CATSPERT: variants seen among roughly 807,000 people sequenced by gnomAD.
The protein encoded by CATSPERT is cation channel sperm-associated targeting subunit tau.
the CATSPERT span, among the ~76,000 whole-genome samples, chr2:201,571,692 C>T: frequency 2.0e-5 from 3 of 152,134 alleles, no homozygotes; most frequent in Non-Finnish European, 4.4e-5. Context: ...ATGAACTTGG[C>T]ACTCCTTCTC....
the CATSPERT span, among the ~76,000 whole-genome samples, chr2:201,546,571 A>G: frequency 2.0e-5 from 3 of 152,208 alleles, no homozygotes; most frequent in Non-Finnish European, 4.4e-5. Context: ...TGCAAATCAA[A>G]CCTACAATGA....
the CATSPERT span, among the ~76,000 whole-genome samples, chr2:201,617,461 G>A: frequency 6.6e-6 from 1 of 152,152 alleles, no homozygotes; most frequent in Admixed American, 6.5e-5. Context: ...ATGGGGAAAG[G>A]ATTCTCTATT....
chr2:201,582,059 G>A, the CATSPERT span: 771 of 1,586,344 alleles, frequency 4.9e-4, 3 homozygotes, highest in African/African-American at 8.0e-3. Context: ...AACTGGCAAC[G>A]TGATACCAAG....
At chr2:201,502,895 G>GTTTTTTTTTTTTTTTTTTTT in the CATSPERT span, among the ~76,000 whole-genome samples, 1 of 148,938 alleles carries the variant, frequency 6.7e-6, no homozygotes, top group Non-Finnish European at 1.5e-5. Flanking sequence ...GTGATACTGT[G>GTTTTTTTTTTTTTTTTTTTT]TTGTTTTTTT....
the CATSPERT span, among the ~76,000 whole-genome samples, chr2:201,558,430 G>A: frequency 6.6e-6 from 1 of 152,228 alleles, no homozygotes; most frequent in Non-Finnish European, 1.5e-5. Context: ...CATGCAGCAG[G>A]GGAATGGAGA....
chr2:201,495,491 A>G, the CATSPERT span, among the ~76,000 whole-genome samples: 61 of 152,286 alleles, frequency 4.0e-4, no homozygotes, highest in African/African-American at 1.3e-3. Flanking sequence ...CAAAATAAAA[A>G]TTCTTATTGA....
the CATSPERT span, among the ~76,000 whole-genome samples, chr2:201,544,070 C>T: frequency 6.6e-6 from 1 of 152,130 alleles, no homozygotes; most frequent in South Asian, 2.1e-4. Context: ...CAAGTGTTCT[C>T]ATTGTTCATT....
the CATSPERT span, among the ~76,000 whole-genome samples, chr2:201,517,357 AT>A: frequency 6.6e-6 from 1 of 152,098 alleles, no homozygotes; most frequent in Non-Finnish European, 1.5e-5. Flanking sequence ...GGATGAGAGC[AT>A]TTGCCACCGA....
the CATSPERT span, among the ~76,000 whole-genome samples, chr2:201,518,459 A>G: frequency 1.3e-5 from 2 of 152,320 alleles, no homozygotes; most frequent in African/African-American, 4.8e-5. Flanking sequence ...AAACTTGTGG[A>G]TATCAGAGGG....
At chr2:201,586,055 T>C in the CATSPERT span, among the ~76,000 whole-genome samples, 1 of 152,346 alleles carries the variant, frequency 6.6e-6, no homozygotes, top group African/African-American at 2.4e-5. Flanking sequence ...AAGACCTTTA[T>C]GATGATCCTC....
chr2:201,494,065 G>A, the CATSPERT span: 1 of 1,534,780 alleles, frequency 6.5e-7, no homozygotes, highest in Admixed American at 2.0e-5. Flanking sequence ...TTCTGAAAAT[G>A]AATCTGCAGG....
chr2:201,604,494 T>C, the CATSPERT span: 2 of 518,474 alleles, frequency 3.9e-6, no homozygotes, highest in South Asian at 4.5e-5. Context: ...TTTTTCTGAC[T>C]CATAAAAATG....
chr2:201,585,581 A>G, the CATSPERT span, among the ~76,000 whole-genome samples: 1 of 152,140 alleles, frequency 6.6e-6, no homozygotes, highest in South Asian at 2.1e-4. Context: ...ACAAATATAG[A>G]CTATATTAAA....
At chr2:201,582,175 C>G in the CATSPERT span, 11 of 1,607,302 alleles carry the variant, frequency 6.8e-6, no homozygotes, top group South Asian at 1.0e-4. Context: ...TGTATGAGTT[C>G]CAATAAAATA....
chr2:201,605,936 C>T, the CATSPERT span, among the ~76,000 whole-genome samples: 3 of 151,798 alleles, frequency 2.0e-5, no homozygotes, highest in Non-Finnish European at 2.9e-5. Flanking sequence ...GAAATAAATG[C>T]TAAATTATAA....
the CATSPERT span, among the ~76,000 whole-genome samples, chr2:201,552,344 A>C: frequency 6.6e-6 from 1 of 152,194 alleles, no homozygotes. Context: ...ACGAAGTGCC[A>C]CTAGTGATGC....
chr2:201,619,107 A>G, the CATSPERT span: 10 of 1,613,970 alleles, frequency 6.2e-6, no homozygotes, highest in Admixed American at 1.2e-4. Flanking sequence ...TGAAAGGCCT[A>G]TTTGTCTCTT....
At chr2:201,581,456 G>A in the CATSPERT span, among the ~76,000 whole-genome samples, 18 of 35,682 alleles carry the variant, frequency 5.0e-4, no homozygotes, top group African/African-American at 1.0e-3. Context: ...ATATATATAT[G>A]TATACACACA....
chr2:201,517,721 C>T, the CATSPERT span, among the ~76,000 whole-genome samples: 3 of 152,204 alleles, frequency 2.0e-5, no homozygotes, highest in Non-Finnish European at 4.4e-5. Flanking sequence ...CCAGGATGTC[C>T]GTGTTCTTGA....
Sources: allele counts gnomAD v4.1 joint callset (sites outside exome capture counted in the v4.1 genomes callset), GRCh38; gene constraint gnomAD v4.1.1; transcripts MANE v1.5; gene names NCBI Gene and HGNC (gene_info 2026-07-23, HGNC 2026-07-21).